EYS: variants seen among roughly 807,000 people sequenced by gnomAD.
EYS encodes the protein protein eyes shut homolog.
A neutral mutation model predicts 282.1 loss-of-function variants in EYS; 250 were observed. The observed-to-expected ratio is 0.89, with a 90% CI of 0.80 to 0.98. The LOEUF (loss-of-function observed/expected upper bound fraction) is 0.98, where lower values mean the gene tolerates loss of function less well. Among genes scored for constraint, EYS ranks in the 50% least tolerant of loss-of-function variants. EYS has a pLI of 0.00. For synonymous variants in EYS, 1,355 were observed against 1,282.9 expected (o/e 1.06, Z -1.20); for missense variants, 4,016 against 3,709.0 (o/e 1.08, Z -2.15).
At chr6:64,600,677 G>A (rs970062653) in intron 24 of EYS, among the ~76,000 whole-genome samples, 1 of 152,012 alleles carries the variant, frequency 6.6e-6, no homozygotes, top group African/African-American at 2.4e-5. Context: ...AGTGCCCCTA[G>A]GAAGGGGACT....
At chr6:64,929,962 C>A (rs1184069150) in intron 15 of EYS, among the ~76,000 whole-genome samples, 8 of 152,040 alleles carry the variant, frequency 5.3e-5, no homozygotes, top group Non-Finnish European at 1.2e-4. Context: ...ATAAAATAAA[C>A]ATAAATAAAA....
At chr6:63,839,993 T>A (rs1156772621) in intron 36 of EYS, among the ~76,000 whole-genome samples, 1 of 151,806 alleles carries the variant, frequency 6.6e-6, no homozygotes, top group Non-Finnish European at 1.5e-5. Flanking sequence ...ATATACCAGT[T>A]GGGCATTTGT....
intron 12 of EYS, among the ~76,000 whole-genome samples, chr6:65,123,255 A>T (rs1340231148): frequency 3.9e-5 from 6 of 152,200 alleles, no homozygotes; most frequent in Non-Finnish European, 8.8e-5. Context: ...AGAGATAGTT[A>T]AAAATAAATT....
chr6:64,739,344 G>A (rs1194140265), intron 22 of EYS, among the ~76,000 whole-genome samples: 1 of 152,182 alleles, frequency 6.6e-6, no homozygotes, highest in East Asian at 1.9e-4. Context: ...AGAGACAAAG[G>A]TGAAAACTAA....
At chr6:65,135,107 A>G (rs767654393) in intron 12 of EYS, among the ~76,000 whole-genome samples, 5 of 152,082 alleles carry the variant, frequency 3.3e-5, no homozygotes, top group Admixed American at 1.3e-4. Flanking sequence ...CATAATGTCT[A>G]TTGATGTCTT....
intron 15 of EYS, among the ~76,000 whole-genome samples, chr6:64,944,200 C>T (rs955648870): frequency 1.3e-5 from 2 of 152,040 alleles, no homozygotes; most frequent in Non-Finnish European, 2.9e-5. Context: ...TTACCTTTTA[C>T]TATACACAGA....
At chr6:65,043,473 A>G (rs896749418) in intron 13 of EYS, among the ~76,000 whole-genome samples, 2 of 151,484 alleles carry the variant, frequency 1.3e-5, no homozygotes, top group Admixed American at 6.6e-5. Context: ...TTACACTGCT[A>G]TGTAATAGAT....
At chr6:64,699,038 A>T (rs1214108289) in intron 22 of EYS, among the ~76,000 whole-genome samples, 1 of 152,140 alleles carries the variant, frequency 6.6e-6, no homozygotes, top group Non-Finnish European at 1.5e-5. Context: ...TGTTCACTGC[A>T]GCTCTATTCA....
intron 39 of EYS, among the ~76,000 whole-genome samples, chr6:63,783,608 AG>A (rs1161870469): frequency 1.3e-5 from 2 of 152,224 alleles, no homozygotes; most frequent in Non-Finnish European, 2.9e-5. Context: ...TGAAATGCTA[AG>A]TGGGAAAAGA....
At chr6:65,158,519 C>T (rs897360859) in intron 12 of EYS, among the ~76,000 whole-genome samples, 2 of 150,768 alleles carry the variant, frequency 1.3e-5, no homozygotes, top group Admixed American at 6.6e-5. Context: ...GTGTTTTAGG[C>T]CCTTTGCAAA....
chr6:63,966,016 A>G (rs1051438441), intron 35 of EYS, among the ~76,000 whole-genome samples: 6 of 152,126 alleles, frequency 3.9e-5, no homozygotes, highest in African/African-American at 1.4e-4. Context: ...TTATTTTATA[A>G]CATAGGGGTT....
intron 31 of EYS, among the ~76,000 whole-genome samples, chr6:64,118,212 CCA>C (rs1309329695): frequency 2.0e-5 from 3 of 151,988 alleles, no homozygotes; most frequent in African/African-American, 7.2e-5. Flanking sequence ...TTGTATAAAG[CCA>C]CAAGCCATCT....
At chr6:64,205,716 T>G (rs1765589743) in intron 31 of EYS, among the ~76,000 whole-genome samples, 1 of 151,998 alleles carries the variant, frequency 6.6e-6, no homozygotes, top group African/African-American at 2.4e-5. Context: ...CAGGCACCCC[T>G]TGATGGTGAA....
chr6:64,991,811 G>T (rs1246538510), intron 14 of EYS, among the ~76,000 whole-genome samples: 1 of 151,650 alleles, frequency 6.6e-6, no homozygotes, highest in Non-Finnish European at 1.5e-5. Context: ...AAACAGAGAG[G>T]ATGAATCAGT....
At chr6:64,815,636 T>C (rs1764724261) in intron 21 of EYS, among the ~76,000 whole-genome samples, 1 of 152,098 alleles carries the variant, frequency 6.6e-6, no homozygotes, top group African/African-American at 2.4e-5. Context: ...TGCTTTGCTA[T>C]ATTCTATTTA....
chr6:64,509,578 A>T (rs1338988309), intron 26 of EYS, among the ~76,000 whole-genome samples: 1 of 152,184 alleles, frequency 6.6e-6, no homozygotes, highest in African/African-American at 2.4e-5. Flanking sequence ...ACATTAAAAT[A>T]ATAATCAATT....
chr6:65,517,178 G>A (rs939020424), intron 2 of EYS, among the ~76,000 whole-genome samples: 8 of 151,734 alleles, frequency 5.3e-5, no homozygotes, highest in African/African-American at 7.3e-5. Context: ...GCGTGTGGAA[G>A]GGCTGTATAT....
intron 2 of EYS, among the ~76,000 whole-genome samples, chr6:65,510,005 TTTC>T: frequency 6.6e-6 from 1 of 151,760 alleles, no homozygotes; most frequent in African/African-American, 2.4e-5. Flanking sequence ...TGGAGAAAAT[TTTC>T]TTTTTTTTTT....
chr6:65,412,661 T>C (rs1338973253), intron 5 of EYS, among the ~76,000 whole-genome samples: 4 of 152,116 alleles, frequency 2.6e-5, no homozygotes, highest in Admixed American at 6.6e-5. Flanking sequence ...GTATTTTTTG[T>C]CTATTATTTA....
Sources: gnomAD v4.1 joint callset for allele counts (sites outside exome capture counted in the v4.1 genomes callset) on GRCh38, gnomAD v4.1.1 for gene constraint, MANE v1.5 for transcripts, NCBI Gene and HGNC (gene_info 2026-07-23, HGNC 2026-07-21) for gene names.